IPCEF1: variants seen among roughly 807,000 people sequenced by gnomAD.
IPCEF1 encodes interaction protein for cytohesin exchange factors 1.
A neutral mutation model predicts 50.9 loss-of-function variants in IPCEF1; 31 were observed. The ratio of observed to expected loss-of-function variants is 0.61; its 90% CI spans 0.46 to 0.82. IPCEF1 has a LOEUF of 0.82. IPCEF1 is among the 40% of genes least tolerant of loss of function. The pLI is 0.00. For missense variants in IPCEF1, 458 were observed against 514.0 expected, an observed-to-expected ratio of 0.89 and a Z score of 1.05; for synonymous variants, 181 against 192.0, an observed-to-expected ratio of 0.94 and a Z score of 0.47.
chr6:154,306,821 C>T (rs916022711), intron 1 of IPCEF1: 1 of 152,242 alleles, frequency 6.6e-6, no homozygotes, highest in Non-Finnish European at 1.5e-5. Flanking sequence ...AATGCCCAGA[C>T]CCAGCTCTTG....
chr6:154,294,304 C>T (rs1467059339), intron 1 of IPCEF1, among the ~76,000 whole-genome samples: 2 of 152,132 alleles, frequency 1.3e-5, no homozygotes, highest in African/African-American at 4.8e-5. Flanking sequence ...GGGCCGAATC[C>T]TTTTTATTAT....
chr6:154,188,017 C>A (rs1347088644), intron 10 of IPCEF1, among the ~76,000 whole-genome samples: 5 of 152,022 alleles, frequency 3.3e-5, no homozygotes, highest in Non-Finnish European at 7.4e-5. Flanking sequence ...TACTTTGGGT[C>A]TACCCAAAAC....
At chr6:154,188,401 A>T (rs1801572698) in intron 10 of IPCEF1, among the ~76,000 whole-genome samples, 1 of 152,256 alleles carries the variant, frequency 6.6e-6, no homozygotes, top group South Asian at 2.1e-4. Flanking sequence ...TGTACTGGAA[A>T]ATTTTAGACC....
chr6:154,224,151 T>C (rs1779073860), intron 5 of IPCEF1, among the ~76,000 whole-genome samples: 1 of 152,214 alleles, frequency 6.6e-6, no homozygotes, highest in South Asian at 2.1e-4. Context: ...AATGAGTCTG[T>C]GGTTATTGGG....
At chr6:154,351,570 C>G (rs1002343910) in intron 1 of IPCEF1, among the ~76,000 whole-genome samples, 4 of 152,184 alleles carry the variant, frequency 2.6e-5, no homozygotes, top group African/African-American at 4.8e-5. Flanking sequence ...CAGACTCGCC[C>G]TTGGTGTCAA....
At chr6:154,285,707 T>C (rs1207843701) in intron 2 of IPCEF1, among the ~76,000 whole-genome samples, 2 of 152,126 alleles carry the variant, frequency 1.3e-5, no homozygotes, top group Non-Finnish European at 2.9e-5. Context: ...AAGAAGAAAA[T>C]ATATGTGGTC....
At chr6:154,278,931 A>G (rs1782135562) in intron 2 of IPCEF1, among the ~76,000 whole-genome samples, 1 of 149,388 alleles carries the variant, frequency 6.7e-6, no homozygotes, top group Admixed American at 6.7e-5. Flanking sequence ...CCTGGGCAAC[A>G]TGGTGAAACC....
chr6:154,321,650 C>T (rs984666713), intron 1 of IPCEF1, among the ~76,000 whole-genome samples: 3 of 151,552 alleles, frequency 2.0e-5, no homozygotes, highest in African/African-American at 4.8e-5. Context: ...TGTGGTGGCA[C>T]GAGCCTGTAG....
chr6:154,338,526 G>T (rs1481383799), intron 1 of IPCEF1, among the ~76,000 whole-genome samples: 2 of 152,190 alleles, frequency 1.3e-5, no homozygotes, highest in African/African-American at 4.8e-5. Flanking sequence ...TACTAACACT[G>T]ATGTATGAGT....
intron 11 of IPCEF1, among the ~76,000 whole-genome samples, chr6:154,162,339 T>C (rs1395955534): frequency 6.6e-6 from 1 of 152,204 alleles, no homozygotes; most frequent in Non-Finnish European, 1.5e-5. Context: ...TGCTCTACTT[T>C]TTCCTGTCTC....
intron 1 of IPCEF1, among the ~76,000 whole-genome samples, chr6:154,344,498 G>A (rs1783985605): frequency 6.6e-6 from 1 of 152,068 alleles, no homozygotes; most frequent in African/African-American, 2.4e-5. Flanking sequence ...GAGGCTCCCC[G>A]TTTCACAAAT....
intron 9 of IPCEF1, among the ~76,000 whole-genome samples, chr6:154,202,922 G>C (rs1472386813): frequency 6.6e-6 from 1 of 152,148 alleles, no homozygotes; most frequent in Non-Finnish European, 1.5e-5. Context: ...ATGAGAAAGT[G>C]ACTACATATT....
intron 10 of IPCEF1, among the ~76,000 whole-genome samples, chr6:154,195,971 T>C (rs1353996464): frequency 1.3e-5 from 2 of 151,948 alleles, no homozygotes; most frequent in African/African-American, 2.4e-5. Flanking sequence ...TTTGTATTTT[T>C]AGTAGAGACA....
chr6:154,257,387 C>A (rs1189869154), intron 3 of IPCEF1, among the ~76,000 whole-genome samples: 2 of 152,220 alleles, frequency 1.3e-5, no homozygotes, highest in Admixed American at 1.3e-4. Context: ...TGCTTCCAGA[C>A]CAGGTGCCTA....
intron 9 of IPCEF1, among the ~76,000 whole-genome samples, chr6:154,211,260 C>T (rs147620815): frequency 1.2e-4 from 18 of 151,966 alleles, no homozygotes; most frequent in African/African-American, 3.9e-4. Context: ...ACTAAAAATA[C>T]AAAAAATTAG....
intron 1 of IPCEF1, among the ~76,000 whole-genome samples, chr6:154,338,295 C>A (rs533492687): frequency 6.6e-6 from 1 of 152,298 alleles, no homozygotes; most frequent in East Asian, 1.9e-4. Context: ...ACCAAACATA[C>A]TTTAGCTAGA....
intron 1 of IPCEF1, among the ~76,000 whole-genome samples, chr6:154,354,489 T>TCCACAACCACCTCC (rs1562300369): frequency 2.2e-3 from 57 of 25,646 alleles, no homozygotes; most frequent in Middle Eastern, 0.018. Flanking sequence ...CCACCATCTC[T>TCCACAACCACCTCC]ACCGTCACTT....
At chr6:154,196,166 A>G (rs1353657668) in intron 10 of IPCEF1, among the ~76,000 whole-genome samples, 1 of 152,138 alleles carries the variant, frequency 6.6e-6, no homozygotes, top group Non-Finnish European at 1.5e-5. Context: ...AAAATGATAT[A>G]TACACAATAT....
chr6:154,259,837 CAA>C (rs1408514772), intron 3 of IPCEF1, among the ~76,000 whole-genome samples: 4 of 152,078 alleles, frequency 2.6e-5, no homozygotes, highest in Non-Finnish European at 4.4e-5. Flanking sequence ...GAAATATGTT[CAA>C]GTCTCCTGTT....
Sources: allele counts gnomAD v4.1 joint callset (sites outside exome capture counted in the v4.1 genomes callset), GRCh38; gene constraint gnomAD v4.1.1; transcripts MANE v1.5; gene names NCBI Gene and HGNC (gene_info 2026-07-23, HGNC 2026-07-21).